WAC: variants seen among roughly 807,000 people sequenced by gnomAD.
WAC encodes the protein WW domain-containing adapter protein with coiled-coil.
A neutral mutation model predicts 79.6 loss-of-function variants in WAC; 11 were observed. That is an observed-to-expected ratio of 0.14 (90% confidence interval 0.09 to 0.23). WAC has a LOEUF of 0.23. Among genes scored for constraint, WAC ranks in the 10% least tolerant of loss-of-function variants. The probability of loss-of-function intolerance (pLI) is 1.00; values close to 1 mark genes in which losing one functional copy is unlikely to be tolerated. For missense variants in WAC, 728 were observed against 773.5 expected (o/e 0.94, Z 0.70); for synonymous variants, 304 against 276.9 (o/e 1.10, Z -0.97).
chr10:28,535,902 T>C (rs1013077675), intron 3 of WAC, 145 bp downstream of exon 3: 81 of 723,056 alleles, frequency 1.1e-4, no homozygotes, highest in African/African-American at 9.1e-4. Context: ...TTTTTTACTC[T>C]GAACAAGTTA....
chr10:28,608,459 A>T, intron 8 of WAC, 28 bp downstream of exon 8: 1 of 1,540,292 alleles, frequency 6.5e-7, no homozygotes, highest in Middle Eastern at 1.7e-4. Flanking sequence ...TTTTTTAAAA[A>T]TTTATTTGCA....
intron 3 of WAC, among the ~76,000 whole-genome samples, chr10:28,552,845 C>CTTTTTTTT (rs3029447): frequency 0.019 from 1,594 of 84,374 alleles, 10 homozygotes; most frequent in Non-Finnish European, 0.023. Context: ...CACTTGGCTG[C>CTTTTTTTT]TTTTTTTTTT....
Position 28,571,144 on chromosome 10 carries a change from G to A in WAC, c.275-12255G>A, listed in dbSNP as rs187414423. ...GGGGTTTCGCCATGTTGGCCAGGCTGGTCTTGAACTCCTGACCTCACGTGA... is the reference window on the plus strand; with the variant it reads ...GGGGTTTCGCCATGTTGGCCAGGCTAGTCTTGAACTCCTGACCTCACGTGA... On this transcript the variant is annotated intron_variant, in intron 3 of 13. Transcript: ENST00000354911. 1.7e-3 allele frequency among the ~76,000 whole-genome samples: 263 copies of A among 151,604 alleles called. 3 individuals carry two copies. Among genetic ancestry groups the A allele is most frequent in the South Asian group, 0.015 (71 of 4,794 alleles).
chr10:28,539,901 A>G (rs1163525933), intron 3 of WAC, among the ~76,000 whole-genome samples: 1 of 152,148 alleles, frequency 6.6e-6, no homozygotes, highest in East Asian at 1.9e-4. Flanking sequence ...TATCTTTGGA[A>G]AAATTTGGAA....
intron 3 of WAC, among the ~76,000 whole-genome samples, chr10:28,543,257 G>A (rs577076363): frequency 6.6e-6 from 1 of 152,156 alleles, no homozygotes; most frequent in Non-Finnish European, 1.5e-5. Context: ...GGCCACAAAT[G>A]CAAACCATAT....
At chr10:28,575,021 G>A (rs1839171467) in intron 3 of WAC, among the ~76,000 whole-genome samples, 1 of 152,150 alleles carries the variant, frequency 6.6e-6, no homozygotes, top group South Asian at 2.1e-4. Flanking sequence ...AAATGTTGAT[G>A]TTCTGTTTAA....
chr10:28,608,778 C>A (rs1365306378), intron 8 of WAC, among the ~76,000 whole-genome samples: 1 of 152,088 alleles, frequency 6.6e-6, no homozygotes. Context: ...ATTAAAACTT[C>A]TGGTATGTTT....
chr10:28,586,507 C>G (rs745887676), intron 4 of WAC, among the ~76,000 whole-genome samples: 4 of 151,834 alleles, frequency 2.6e-5, no homozygotes, highest in African/African-American at 4.8e-5. Context: ...AAGCGCCTGT[C>G]TCTACAAAAA....
intron 2 of WAC, 58 bp downstream of exon 2, chr10:28,534,092 C>T (rs1325242697): frequency 2.0e-6 from 3 of 1,506,932 alleles, no homozygotes; most frequent in East Asian, 2.5e-5. Context: ...AAGGGAGGGA[C>T]TGCTACTCGA....
Position 28,619,261 on chromosome 10 carries a change from C to T in WAC, c.1875-276C>T, listed in dbSNP as rs181945341. Among the ~76,000 whole-genome samples, 636 of 152,304 alleles carry T rather than the reference C, an allele frequency of 4.2e-3. 2 individuals are homozygous for T. The highest frequency in any genetic ancestry group is 0.015 in the African/African-American group (615 of 41,574). ...CACCCCTGCCCTCTAGCCTGGGCAA[C>T]AGAGCAAGACTCTGTCTCAAAAAAT... On this transcript the variant is annotated intron_variant, in intron 13 of 13. Coordinates refer to ENST00000354911, the MANE Select transcript of WAC (RefSeq NM_016628.5).
At chr10:28,618,845 A>C (rs1238282810) in intron 13 of WAC, among the ~76,000 whole-genome samples, 1 of 151,984 alleles carries the variant, frequency 6.6e-6, no homozygotes, top group Non-Finnish European at 1.5e-5. Context: ...GGTTAATTCT[A>C]CTCTTTACTG....
chr10:28,613,322 C>T (rs372399100), intron 10 of WAC, among the ~76,000 whole-genome samples: 18 of 152,266 alleles, frequency 1.2e-4, no homozygotes, highest in South Asian at 4.1e-4. Context: ...GCCAAGATCA[C>T]GGCACTGCAC....
chr10:28,616,803 C>T (rs1041015402), intron 12 of WAC, among the ~76,000 whole-genome samples: 2 of 152,192 alleles, frequency 1.3e-5, no homozygotes, highest in Admixed American at 6.5e-5. Context: ...ACTGGCCAAG[C>T]GCAGTGGCTC....
At chr10:28,565,683 A>C (rs912311697) in intron 3 of WAC, among the ~76,000 whole-genome samples, 1 of 152,180 alleles carries the variant, frequency 6.6e-6, no homozygotes, top group Non-Finnish European at 1.5e-5. Context: ...GAAATACCTG[A>C]ATTTTTAAAA....
chr10:28,577,325 G>T (rs778543508), intron 3 of WAC, among the ~76,000 whole-genome samples: 1 of 151,488 alleles, frequency 6.6e-6, no homozygotes, highest in Non-Finnish European at 1.5e-5. Context: ...TATCCTAATG[G>T]TTTTTTTTGC....
intron 3 of WAC, among the ~76,000 whole-genome samples, chr10:28,551,980 C>T (rs563035758): frequency 1.3e-5 from 2 of 152,146 alleles, no homozygotes; most frequent in African/African-American, 2.4e-5. Context: ...GCATGCGCCA[C>T]GACGCCCAAC....
chr10:28,548,394 ACTT>A (rs951898105), intron 3 of WAC, among the ~76,000 whole-genome samples: 2 of 151,804 alleles, frequency 1.3e-5, no homozygotes, highest in African/African-American at 4.8e-5. Context: ...GTTCTATTCT[ACTT>A]CTCTTTTGCC....
At chr10:28,579,524 A>G (rs895277996) in intron 3 of WAC, among the ~76,000 whole-genome samples, 3 of 152,184 alleles carry the variant, frequency 2.0e-5, no homozygotes, top group African/African-American at 7.2e-5. Context: ...TAGATTCTGT[A>G]TTATAATAAA....
chr10:28,563,519 G>A (rs1350294282), intron 3 of WAC, among the ~76,000 whole-genome samples: 2 of 152,070 alleles, frequency 1.3e-5, no homozygotes, highest in Non-Finnish European at 2.9e-5. Flanking sequence ...ACATGTTTTA[G>A]ATTTGTGGCA....
Sources: gnomAD v4.1 joint callset for allele counts (sites outside exome capture counted in the v4.1 genomes callset) on GRCh38, gnomAD v4.1.1 for gene constraint, MANE v1.5 for transcripts, NCBI Gene and HGNC (gene_info 2026-07-23, HGNC 2026-07-21) for gene names.